AKT3: variants seen among roughly 807,000 people sequenced by gnomAD.
The protein encoded by AKT3 is RAC-gamma serine/threonine-protein kinase.
Under a neutral mutation model 65.3 loss-of-function variants are expected in AKT3, and 15 were observed. The ratio of observed to expected loss-of-function variants is 0.23; its 90% CI spans 0.15 to 0.35. The LOEUF is 0.35. AKT3 is among the 10% of genes least tolerant of loss of function. The probability of loss-of-function intolerance (pLI) is 1.00; values close to 1 mark genes in which losing one functional copy is unlikely to be tolerated. For synonymous variants in AKT3, 206 were observed against 183.8 expected, an observed-to-expected ratio of 1.12 and a Z score of -0.98; for missense variants, 243 against 576.5, an observed-to-expected ratio of 0.42 and a Z score of 5.92.
At chr1:243,655,244 T>A (rs1385273854) in intron 4 of AKT3, among the ~76,000 whole-genome samples, 1 of 152,208 alleles carries the variant, frequency 6.6e-6, no homozygotes, top group African/African-American at 2.4e-5. Flanking sequence ...GAACTCATAA[T>A]TCCAAATGTT....
At chr1:243,831,572 GA>G (rs1275581095) in intron 2 of AKT3, among the ~76,000 whole-genome samples, 1 of 152,104 alleles carries the variant, frequency 6.6e-6, no homozygotes, top group African/African-American at 2.4e-5. Context: ...TATAAAATGC[GA>G]ACACAAACTA....
At chr1:243,850,745 TCCCCGCGCCCCCAAACCAGCGGTG>T (rs1407322952), upstream of AKT3, among the ~76,000 whole-genome samples, 611 of 151,802 alleles carry the variant, frequency 4.0e-3, 5 homozygotes, top group Middle Eastern at 0.017. Context: ...TCCTCAGGCT[TCCCCGCGCCCCCAAACCAGCGGTG>T]CCCCGCGCCC....
chr1:243,831,894 G>A (rs1401849821), intron 2 of AKT3, among the ~76,000 whole-genome samples: 2 of 151,464 alleles, frequency 1.3e-5, no homozygotes, highest in Non-Finnish European at 1.5e-5. Flanking sequence ...AAGTATCTAA[G>A]ATCAGCAAAA....
chr1:243,550,958 C>CAAAAAAAA lies in AKT3; in HGVS notation c.1163+1763_1163+1770dup, dbSNP rs60047036. Among the ~76,000 whole-genome samples, 63 of 17,528 alleles carry CAAAAAAAA rather than the reference C, an allele frequency of 3.6e-3. 3 individuals are homozygous for CAAAAAAAA. The highest frequency in any genetic ancestry group is 5.3e-3 in the Non-Finnish European group (51 of 9,534). The allele number at this position is 17,528 out of a possible 152,430, so 11.5% of individuals were successfully genotyped here. ...CAGACAACAGAGCGAGACTCCCTCT[C>CAAAAAAAA]AAAAAAAAAAAAAAAAAAAAAAAAA... On this transcript the variant is annotated intron_variant, in intron 11 of 13. Coordinates refer to ENST00000673466, the MANE Select transcript of AKT3 (RefSeq NM_005465.7).
chr1:243,639,191 G>C (rs1046886602), intron 5 of AKT3, among the ~76,000 whole-genome samples: 4 of 152,136 alleles, frequency 2.6e-5, no homozygotes, highest in African/African-American at 7.2e-5. Context: ...GAAAGAAACA[G>C]ATAACTTGAT....
intron 12 of AKT3, among the ~76,000 whole-genome samples, chr1:243,513,042 C>T (rs1338139713): frequency 6.6e-6 from 1 of 152,134 alleles, no homozygotes; most frequent in Non-Finnish European, 1.5e-5. Context: ...GGGACCACAG[C>T]CCAGAAGAGA....
chr1:243,776,453 T>C (rs951737722), intron 2 of AKT3, among the ~76,000 whole-genome samples: 12 of 152,062 alleles, frequency 7.9e-5, no homozygotes, highest in African/African-American at 2.9e-4. Context: ...GTAGTGCCCT[T>C]ATCAGAAGAG....
chr1:243,693,856 C>A (rs938421060), intron 3 of AKT3, among the ~76,000 whole-genome samples: 7 of 152,040 alleles, frequency 4.6e-5, no homozygotes, highest in Non-Finnish European at 8.8e-5. Flanking sequence ...AACTAAGGAG[C>A]CAACCTACAA....
Position 243,664,761 on chromosome 1 carries a change from G to A in AKT3, c.284+11C>T. On this transcript the variant is annotated intron_variant, in intron 4 of 13. Transcript: ENST00000673466. ...GCTTTTTCACAAAATGAAAACAAGTGAATTTCTTACCTTTCCTCTGGAGTA... is the reference window on the plus strand; with the variant it reads ...GCTTTTTCACAAAATGAAAACAAGTAAATTTCTTACCTTTCCTCTGGAGTA... 1 of 1,397,068 alleles carries A rather than the reference G, an allele frequency of 7.2e-7. No individual in the cohort carries two copies. 86.5% of individuals were successfully genotyped at this position (1,397,068 alleles called of 1,614,324 possible).
At chr1:243,669,917 A>C (rs1683052041) in intron 3 of AKT3, among the ~76,000 whole-genome samples, 1 of 152,208 alleles carries the variant, frequency 6.6e-6, no homozygotes, top group Non-Finnish European at 1.5e-5. Flanking sequence ...TGTTCTTACT[A>C]AACTTGCTAA....
At chr1:243,742,342 G>A (rs1429215761) in intron 2 of AKT3, among the ~76,000 whole-genome samples, 1 of 152,150 alleles carries the variant, frequency 6.6e-6, no homozygotes, top group African/African-American at 2.4e-5. Flanking sequence ...AATATACTCA[G>A]AGGTCAGGCA....
rs2148477566 is a variant in AKT3 at position 243,843,164 on chromosome 1, C to T, written c.7G>A (p.Asp3Asn). 12 of 1,613,804 alleles carry T rather than the reference C, an allele frequency of 7.4e-6. No individual in the cohort carries two copies. The highest frequency in any genetic ancestry group is 1.0e-5 in the Non-Finnish European group (12 of 1,179,850). MSDVTIVKEGWVQ... is the reference protein window; with the variant it reads MSNVTIVKEGWVQ... ...CAACCTTCTTTCACAATGGTAACAT[C>T]GCTCATGATGACTCCCCTCTGAGCC... Residue 3 changes from aspartate (D) to asparagine (N), a missense_variant, in exon 2 of 14, where the codon GAT becomes AAT. Physicochemically the swap from Asp to Asn is conservative, Grantham distance 23 (BLOSUM62 1). Around this residue, in one of 6 missense-constraint regions of AKT3, gnomAD observed 29 missense variants for 91.3 expected, o/e 0.32. Coordinates refer to ENST00000673466, the MANE Select transcript of AKT3 (RefSeq NM_005465.7).
intron 8 of AKT3, among the ~76,000 whole-genome samples, chr1:243,607,239 A>C (rs559215354): frequency 4.4e-4 from 67 of 152,308 alleles, no homozygotes; most frequent in African/African-American, 1.5e-3. Flanking sequence ...GACAGCTTGC[A>C]CAGTGCACCT....
intron 12 of AKT3, among the ~76,000 whole-genome samples, chr1:243,522,396 G>A (rs1430266153): frequency 6.6e-6 from 1 of 152,168 alleles, no homozygotes; most frequent in Non-Finnish European, 1.5e-5. Flanking sequence ...AGTGGCTCAC[G>A]CCTATAATTC....
intron 2 of AKT3, among the ~76,000 whole-genome samples, chr1:243,725,169 C>T (rs1207919978): frequency 1.3e-5 from 2 of 151,400 alleles, no homozygotes; most frequent in Non-Finnish European, 2.9e-5. Flanking sequence ...TGCATTCCAG[C>T]CTCAGAGACA....
chr1:243,633,847 G>A (rs748759361), intron 6 of AKT3, among the ~76,000 whole-genome samples: 6 of 152,056 alleles, frequency 3.9e-5, no homozygotes, highest in Non-Finnish European at 7.4e-5. Context: ...TGGGAAAGTC[G>A]ATTAAACAAA....
intron 2 of AKT3, among the ~76,000 whole-genome samples, chr1:243,716,240 G>C (rs904490821): frequency 6.6e-6 from 1 of 152,014 alleles, no homozygotes; most frequent in African/African-American, 2.4e-5. Flanking sequence ...TCATAAATAA[G>C]AATTACAGAA....
chr1:243,624,981 C>T, intron 6 of AKT3: 1 of 329,020 alleles, frequency 3.0e-6, no homozygotes, highest in South Asian at 3.5e-5. Context: ...AGTGACAAAG[C>T]CCATCCCTAG....
chr1:243,562,766 T>C (rs1673887168), intron 10 of AKT3, among the ~76,000 whole-genome samples: 1 of 152,174 alleles, frequency 6.6e-6, no homozygotes, highest in South Asian at 2.1e-4. Context: ...TGCTTCCTGA[T>C]GACTCTAGTC....
Sources: allele counts gnomAD v4.1 joint callset (sites outside exome capture counted in the v4.1 genomes callset), GRCh38; gene constraint gnomAD v4.1.1; regional missense constraint gnomAD v4.1.1; transcripts MANE v1.5; gene names NCBI Gene and HGNC (gene_info 2026-07-23, HGNC 2026-07-21).